Variants in STX8 observed in about 807,000 individuals in gnomAD.
STX8 encodes syntaxin 8.
A neutral mutation model predicts 37.5 loss-of-function variants in STX8; 23 were observed. The ratio of observed to expected loss-of-function variants is 0.61; its 90% confidence interval spans 0.44 to 0.87. STX8 has a LOEUF of 0.87. STX8 is among the 40% of genes least tolerant of loss of function. STX8 has a pLI of 0.00. For missense variants in STX8, 313 were observed against 284.7 expected, an observed-to-expected ratio of 1.10 and a Z score of -0.71; for synonymous variants, 115 against 99.1, an observed-to-expected ratio of 1.16 and a Z score of -0.95.
At chr17:9,286,974 C>T (rs565386430) in intron 7 of STX8, among the ~76,000 whole-genome samples, 8 of 152,230 alleles carry the variant, frequency 5.3e-5, no homozygotes, top group South Asian at 2.1e-4. Context: ...ACCTGTCTCA[C>T]GGGGCTGTAA....
rs533498836 is a variant in STX8, at chr17:9,283,482, G to A, written c.644-32837C>T. Among the ~76,000 whole-genome samples the A allele has an allele frequency of 5.9e-5, 9 of 152,318 alleles. No individual in the cohort carries two copies. In the South Asian group the frequency reaches 1.7e-3, roughly 28 times the overall value. On this transcript the variant is annotated intron_variant, in intron 7 of 7. Transcript: ENST00000306357. Reference sequence around the variant, plus strand: ...CTGAACCTGGGAGGCAGAGGTTGCAGTGAGCCAAGACCATGCCATTGCACT... The same window carrying A: ...CTGAACCTGGGAGGCAGAGGTTGCAATGAGCCAAGACCATGCCATTGCACT...
At chr17:9,331,150 TTAAC>T (rs1237950675) in intron 7 of STX8, among the ~76,000 whole-genome samples, 1 of 152,190 alleles carries the variant, frequency 6.6e-6, no homozygotes, top group Non-Finnish European at 1.5e-5. Context: ...AAAGAGCTCT[TTAAC>T]TGGTTTAGTC....
At chr17:9,335,910 T>C (rs561853460) in intron 7 of STX8, among the ~76,000 whole-genome samples, 1 of 152,106 alleles carries the variant, frequency 6.6e-6, no homozygotes, top group Non-Finnish European at 1.5e-5. Flanking sequence ...TAAAGCTCTA[T>C]AGGAACATTT....
intron 6 of STX8, among the ~76,000 whole-genome samples, chr17:9,396,334 G>A (rs1019000559): frequency 6.7e-6 from 1 of 149,436 alleles, no homozygotes; most frequent in Non-Finnish European, 1.5e-5. Context: ...GGAGAAAGGG[G>A]GGAGTGATAA....
chr17:9,351,343 G>A (rs1671238117), intron 7 of STX8, among the ~76,000 whole-genome samples: 1 of 151,886 alleles, frequency 6.6e-6, no homozygotes, highest in South Asian at 2.1e-4. Context: ...ATTTTTAGTA[G>A]AGACAGGGTT....
intron 7 of STX8, among the ~76,000 whole-genome samples, chr17:9,340,593 C>T (rs1052437492): frequency 7.3e-5 from 11 of 149,760 alleles, no homozygotes; most frequent in Admixed American, 4.7e-4. Flanking sequence ...TCTTGAAAGG[C>T]AGGCTTTGTA....
At chr17:9,571,894 G>A (rs1298576673) in intron 1 of STX8, among the ~76,000 whole-genome samples, 6 of 151,510 alleles carry the variant, frequency 4.0e-5, no homozygotes, top group East Asian at 3.9e-4. Flanking sequence ...CAGCCTGGGC[G>A]ACGGAGCAAG....
At chr17:9,424,162 C>G (rs865867605) in intron 6 of STX8, among the ~76,000 whole-genome samples, 1 of 152,242 alleles carries the variant, frequency 6.6e-6, no homozygotes, top group African/African-American at 2.4e-5. Flanking sequence ...GGCTGGGCGA[C>G]CCCCTAAGAT....
chr17:9,490,223 T>C (rs1404733120), intron 6 of STX8, among the ~76,000 whole-genome samples: 2 of 152,116 alleles, frequency 1.3e-5, no homozygotes, highest in African/African-American at 2.4e-5. Context: ...TTATGACAGA[T>C]AAATGGAACA....
At chr17:9,288,399 C>A (rs959553090) in intron 7 of STX8, among the ~76,000 whole-genome samples, 1 of 151,952 alleles carries the variant, frequency 6.6e-6, no homozygotes, top group Non-Finnish European at 1.5e-5. Context: ...CGGTGGCTCA[C>A]GCCTGTAATC....
At chr17:9,316,435 G>C (rs530355399) in intron 7 of STX8, among the ~76,000 whole-genome samples, 1 of 152,166 alleles carries the variant, frequency 6.6e-6, no homozygotes, top group African/African-American at 2.4e-5. Flanking sequence ...AGCAGCTGAA[G>C]GTTGAGTTGA....
intron 7 of STX8, among the ~76,000 whole-genome samples, chr17:9,259,539 C>T (rs547792673): frequency 2.6e-5 from 4 of 152,214 alleles, no homozygotes; most frequent in Admixed American, 2.6e-4. Flanking sequence ...TGAGGGCGTC[C>T]GGGAAAGGTT....
At chr17:9,398,883 T>C (rs929709103) in intron 6 of STX8, among the ~76,000 whole-genome samples, 6 of 152,064 alleles carry the variant, frequency 3.9e-5, no homozygotes, top group Non-Finnish European at 7.4e-5. Context: ...ATCCTGTCTC[T>C]ACTAAAAGTA....
At chr17:9,410,334 T>C (rs1198585026) in intron 6 of STX8, among the ~76,000 whole-genome samples, 6 of 152,196 alleles carry the variant, frequency 3.9e-5, no homozygotes, top group Admixed American at 6.5e-5. Flanking sequence ...AAATAGCAAA[T>C]TTTACACTTT....
intron 6 of STX8, among the ~76,000 whole-genome samples, chr17:9,405,891 C>A (rs1468439205): frequency 6.6e-6 from 1 of 152,198 alleles, no homozygotes; most frequent in Non-Finnish European, 1.5e-5. Flanking sequence ...AGCTTTAGAT[C>A]AGATCCTTCA....
intron 7 of STX8, among the ~76,000 whole-genome samples, chr17:9,351,217 T>C (rs1040997390): frequency 2.2e-4 from 30 of 137,084 alleles, no homozygotes; most frequent in Non-Finnish European, 3.9e-4. Context: ...AGTCTCACAC[T>C]GTCACCCAGG....
At chr17:9,519,711 C>CCTA (rs1905272656) in intron 4 of STX8, among the ~76,000 whole-genome samples, 1 of 150,160 alleles carries the variant, frequency 6.7e-6, no homozygotes, top group African/African-American at 2.5e-5. Flanking sequence ...GCTTCCACAC[C>CCTA]CTACTTCGGC....
intron 7 of STX8, among the ~76,000 whole-genome samples, chr17:9,376,402 C>G (rs1196615018): frequency 6.6e-6 from 1 of 152,054 alleles, no homozygotes; most frequent in African/African-American, 2.4e-5. Context: ...CCAATCAGCA[C>G]TCTGTAAAAA....
chr17:9,488,143 A>G (rs1906684702), intron 6 of STX8, among the ~76,000 whole-genome samples: 1 of 152,144 alleles, frequency 6.6e-6, no homozygotes, highest in Non-Finnish European at 1.5e-5. Context: ...CCTGGCCAAC[A>G]GGGTGAAACC....
Sources: gnomAD v4.1 joint callset for allele counts (sites outside exome capture counted in the v4.1 genomes callset) on GRCh38, gnomAD v4.1.1 for gene constraint, MANE v1.5 for transcripts, NCBI Gene and HGNC (gene_info 2026-07-23, HGNC 2026-07-21) for gene names.